The following DHDDS variants were observed in gnomAD, a reference collection of about 807,000 sequenced individuals.
DHDDS encodes dehydrodolichyl diphosphate synthase complex subunit DHDDS.
Under a neutral mutation model 46.2 loss-of-function variants are expected in DHDDS, and 16 were observed. The ratio of observed to expected loss-of-function variants is 0.35; its 90% confidence interval spans 0.23 to 0.53. The LOEUF (loss-of-function observed/expected upper bound fraction) is 0.53, where lower values mean the gene tolerates loss of function less well. Among genes scored for constraint, DHDDS ranks in the 20% least tolerant of loss-of-function variants. The pLI is 0.94. For missense variants in DHDDS, 340 were observed against 423.7 expected (o/e 0.80, Z 1.73); for synonymous variants, 151 against 163.1 (o/e 0.93, Z 0.56).
intron 7 of DHDDS, among the ~76,000 whole-genome samples, chr1:26,458,783 T>TATTG (rs1230470148): frequency 6.7e-6 from 1 of 149,330 alleles, no homozygotes; most frequent in Non-Finnish European, 1.5e-5. Context: ...AATGTGCACC[T>TATTG]ATTGGTTCTG....
At chr1:26,446,759 C>T (rs1046878097) in intron 5 of DHDDS, among the ~76,000 whole-genome samples, 7 of 152,036 alleles carry the variant, frequency 4.6e-5, no homozygotes, top group African/African-American at 1.7e-4. Context: ...CAGTTCTTAT[C>T]CCTGACTTTG....
chr1:26,455,539 G>A (rs904367508), intron 6 of DHDDS, among the ~76,000 whole-genome samples: 1 of 152,076 alleles, frequency 6.6e-6, no homozygotes, highest in African/African-American at 2.4e-5. Context: ...TTGAGCTCAG[G>A]AATTCAAGAC....
intron 7 of DHDDS, among the ~76,000 whole-genome samples, chr1:26,458,994 A>G (rs2075397934): frequency 6.6e-6 from 1 of 152,224 alleles, no homozygotes; most frequent in Non-Finnish European, 1.5e-5. Context: ...CAAAAGGGAA[A>G]TAAGTGACAA....
chr1:26,436,277 T>C (rs953253322), intron 2 of DHDDS, among the ~76,000 whole-genome samples: 17 of 152,102 alleles, frequency 1.1e-4, no homozygotes, highest in Non-Finnish European at 2.9e-5. Flanking sequence ...TGTATTCCTG[T>C]AGTCCCAGCT....
In DHDDS at chr1:26,470,834, G is replaced by C. The variant is rs1411164206; in HGVS notation, c.*1703G>C. ...GCATGAATTATGCGGCTATAATGCA[G>C]AGCCCTACAATTAAGGCGGGAATGA... On this transcript the variant is annotated 3_prime_UTR_variant, in exon 9 of 9. Coordinates refer to ENST00000236342, the MANE Select transcript of DHDDS (RefSeq NM_205861.3). 6.5e-6 allele frequency: 1 copy of C among 152,730 alleles called. No individual in the cohort carries two copies. The highest frequency in any genetic ancestry group is 2.4e-5 in the African/African-American group (1 of 41,442). 9.5% of individuals were successfully genotyped at this position (152,730 alleles called of 1,614,324 possible).
chr1:26,469,186 C>T lies in DHDDS; in HGVS notation c.*55C>T, dbSNP rs1057515504. The stretch of plus-strand genomic sequence containing the variant: ...GCCCTCTGCCTCCAGGGCTCCACTC[C>T]CCTTCCTTTTCTTGGTGAAAGGCAC... On this transcript the variant is annotated 3_prime_UTR_variant, in exon 9 of 9. Transcript: ENST00000236342. 2.5e-6 allele frequency: 4 copies of T among 1,609,272 alleles called. No individual in the cohort carries two copies. Among genetic ancestry groups the T allele is most frequent in the Non-Finnish European group, 3.4e-6 (4 of 1,180,014 alleles).
At chr1:26,451,319 A>T (rs1570348761) in intron 6 of DHDDS, among the ~76,000 whole-genome samples, 1 of 151,832 alleles carries the variant, frequency 6.6e-6, no homozygotes. Context: ...ATTAGGTCCT[A>T]TGCTTCTAAT....
At position 26,448,002 on chromosome 1, in the gene DHDDS, A is replaced by C. The variant is rs986618973; in HGVS notation, c.542+342A>C. On this transcript the variant is annotated intron_variant, in intron 6 of 8. Coordinates refer to ENST00000236342, the MANE Select transcript of DHDDS (RefSeq NM_205861.3). ...GCTTCAGAACTAGAGTTCACCACACACCAAGAAACCCCAGAGAAAGAGCAA... is the reference window on the plus strand; with the variant it reads ...GCTTCAGAACTAGAGTTCACCACACCCCAAGAAACCCCAGAGAAAGAGCAA... 23 of 528,822 alleles carry C rather than the reference A, an allele frequency of 4.3e-5. No homozygotes were observed. In the East Asian group the frequency reaches 6.9e-4, roughly 16 times the overall value. 32.8% of individuals were successfully genotyped at this position (528,822 alleles called of 1,614,324 possible).
intron 8 of DHDDS, chr1:26,462,692 C>A (rs1003725782): frequency 4.6e-5 from 7 of 152,130 alleles, no homozygotes; most frequent in Admixed American, 3.3e-4. Flanking sequence ...GCTCAGAAGT[C>A]TTTTATAGTA....
Position 26,447,089 on chromosome 1 carries a change from G to T in DHDDS, c.441-470G>T, listed in dbSNP as rs572933890. Among the ~76,000 whole-genome samples the T allele has an allele frequency of 8.9e-4, 136 of 152,264 alleles. 1 individual carries two copies. The highest frequency in any genetic ancestry group is 1.3e-3 in the Non-Finnish European group (89 of 68,026). The stretch of plus-strand genomic sequence containing the variant: ...CAGTGGCTCACGCCTGTCATCCTAG[G>T]CAGGTGGATCACCTGAAGTCAGGAG... On this transcript the variant is annotated intron_variant, in intron 5 of 8. Coordinates refer to ENST00000236342, the MANE Select transcript of DHDDS (RefSeq NM_205861.3).
At chr1:26,457,226 A>AGGGG (rs1205364207) in intron 6 of DHDDS, among the ~76,000 whole-genome samples, 1 of 139,430 alleles carries the variant, frequency 7.2e-6, no homozygotes, top group African/African-American at 2.7e-5. Context: ...TCAGAGGCCG[A>AGGGG]GGGGGGGGCG....
In DHDDS at chr1:26,464,289, G is replaced by A. The variant is rs562991136; in HGVS notation, c.765+4145G>A. Reference sequence around the variant, plus strand: ...ATTACAGGCATGAGCCGCTGCGCCCGGCCTATATTTGCAAACTTTTATTGA... The same window carrying A: ...ATTACAGGCATGAGCCGCTGCGCCCAGCCTATATTTGCAAACTTTTATTGA... On this transcript the variant is annotated intron_variant, in intron 8 of 8. Transcript: ENST00000236342. Among the ~76,000 whole-genome samples, 14 of 152,144 alleles carry A rather than the reference G, an allele frequency of 9.2e-5. No individual in the cohort carries two copies. The South Asian group carries it at 2.1e-3, about 23-fold the overall frequency.
At chr1:26,463,132 C>T (rs1004079732) in intron 8 of DHDDS, among the ~76,000 whole-genome samples, 1 of 152,052 alleles carries the variant, frequency 6.6e-6, no homozygotes, top group Non-Finnish European at 1.5e-5. Context: ...CAGGGGATGA[C>T]GGGATCTGAG....
chr1:26,437,873 CG>C (rs1354659445), intron 2 of DHDDS, among the ~76,000 whole-genome samples: 2 of 151,962 alleles, frequency 1.3e-5, no homozygotes, highest in African/African-American at 2.4e-5. Flanking sequence ...GGCTACTCAG[CG>C]GGAGGCAGAG....
At chr1:26,454,714 A>G in intron 6 of DHDDS, 26 of 1,587,804 alleles carry the variant, frequency 1.6e-5, no homozygotes, top group Admixed American at 3.4e-5. Flanking sequence ...CTTCTGGTTT[A>G]GGAACAATCT....
chr1:26,449,505 G>A (rs2075300088), intron 6 of DHDDS, among the ~76,000 whole-genome samples: 1 of 151,926 alleles, frequency 6.6e-6, no homozygotes, highest in Non-Finnish European at 1.5e-5. Context: ...GGCCCAAGCA[G>A]TCCTCCCACT....
intron 8 of DHDDS, among the ~76,000 whole-genome samples, chr1:26,463,975 T>C (rs2075453064): frequency 6.6e-6 from 1 of 150,508 alleles, no homozygotes; most frequent in African/African-American, 2.4e-5. Flanking sequence ...TTTTTACCTA[T>C]GGATCATATT....
Position 26,471,076 on chromosome 1 carries a change from C to CA in DHDDS, c.*1946dup, listed in dbSNP as rs1157507693. The CA allele has an allele frequency of 7.2e-5, 11 of 152,300 alleles. No individual in the cohort carries two copies. Among genetic ancestry groups the CA allele is most frequent in the African/African-American group, 2.7e-4 (11 of 41,404 alleles). 9.4% of individuals were successfully genotyped at this position (152,300 alleles called of 1,614,324 possible). A position where few individuals can be genotyped will look rare whatever the true frequency, so the allele number is the denominator to read the frequency against. ...GCGATGTAGTGGTGGAAAGAAGAGGCAGAGAGGTCGTCGTCGTCGCCCAGC... is the reference window on the plus strand; with the variant it reads ...GCGATGTAGTGGTGGAAAGAAGAGGCAAGAGAGGTCGTCGTCGTCGCCCAGC... On this transcript the variant is annotated 3_prime_UTR_variant, in exon 9 of 9. Coordinates refer to ENST00000236342, the MANE Select transcript of DHDDS (RefSeq NM_205861.3).
At chr1:26,455,019 A>G in intron 6 of DHDDS, 2 of 1,324,908 alleles carry the variant, frequency 1.5e-6, no homozygotes, top group South Asian at 2.3e-5. Flanking sequence ...AATGGTACGC[A>G]CTGTTTCTGT....
Sources: gnomAD v4.1 joint callset for allele counts (sites outside exome capture counted in the v4.1 genomes callset) on GRCh38, gnomAD v4.1.1 for gene constraint, MANE v1.5 for transcripts, NCBI Gene and HGNC (gene_info 2026-07-23, HGNC 2026-07-21) for gene names.